The following HRH1 variants were observed in gnomAD, a reference collection of about 807,000 sequenced individuals.
The protein encoded by HRH1 is histamine receptor H1.
In HRH1, 6 loss-of-function variants were observed where a neutral mutation model predicts 10.3. That is an observed-to-expected ratio of 0.58 (90% confidence interval 0.32 to 1.15). The LOEUF (loss-of-function observed/expected upper bound fraction) is 1.15, where lower values mean the gene tolerates loss of function less well. Among genes scored for constraint, HRH1 ranks in the 50% most tolerant of loss-of-function variants. HRH1 has a pLI of 0.05. For synonymous variants in HRH1, 242 were observed against 236.7 expected, an observed-to-expected ratio of 1.02 and a Z score of -0.21; for missense variants, 514 against 615.3, an observed-to-expected ratio of 0.84 and a Z score of 1.74.
intron 1 of HRH1, among the ~76,000 whole-genome samples, chr3:11,245,578 G>A (rs182940554): frequency 4.6e-5 from 7 of 152,244 alleles, no homozygotes; most frequent in South Asian, 2.1e-4. Context: ...CATTGGTGTC[G>A]CAGGATGTGC....
At chr3:11,207,528 C>T (rs1464731824) in intron 1 of HRH1, among the ~76,000 whole-genome samples, 3 of 152,098 alleles carry the variant, frequency 2.0e-5, no homozygotes, top group African/African-American at 7.2e-5. Context: ...GAGATCATGC[C>T]ACTGCACTCC....
upstream of HRH1, among the ~76,000 whole-genome samples, chr3:11,150,710 T>C (rs980247973): frequency 2.6e-5 from 4 of 152,118 alleles, no homozygotes; most frequent in Admixed American, 2.6e-4. Context: ...GCTAATTAAC[T>C]GGGCAACTTG....
chr3:11,203,717 GT>G (rs1451450254), intron 1 of HRH1, among the ~76,000 whole-genome samples: 5 of 152,048 alleles, frequency 3.3e-5, no homozygotes, highest in Non-Finnish European at 7.4e-5. Flanking sequence ...TCTGTTTATT[GT>G]TTCACCAATA....
intron 1 of HRH1, chr3:11,234,585 G>C: frequency 7.0e-7 from 1 of 1,438,390 alleles, no homozygotes; most frequent in South Asian, 1.1e-5. Context: ...GATCGTTGGG[G>C]TCATCAGCCA....
intron 1 of HRH1, among the ~76,000 whole-genome samples, chr3:11,257,124 G>A (rs912173797): frequency 5.3e-5 from 8 of 150,832 alleles, no homozygotes; most frequent in African/African-American, 2.0e-4. Context: ...GTGGTGGTGG[G>A]TGCCTGTAAT....
Position 11,186,777 on chromosome 3 carries a change from C to G in HRH1, c.-36+32223C>G, listed in dbSNP as rs778580454. 2.0e-5 allele frequency among the ~76,000 whole-genome samples: 3 copies of G among 152,124 alleles called. No individual in the cohort carries two copies. In the South Asian group the frequency reaches 6.2e-4, roughly 32 times the overall value. ...CTTTTAGGTCTGAGAGTGCCTGGAT[C>G]TGCTCTAGGTAATCAGGCAGACAGG... On this transcript the variant is annotated intron_variant, in intron 1 of 1. Transcript: ENST00000431010.
rs3732941 is a variant in HRH1 at position 11,262,889 on chromosome 3, A to G, written c.*2388A>G. 36,758 of 167,088 alleles carry G rather than the reference A, an allele frequency of 0.22. 4,697 individuals carry two copies. Among genetic ancestry groups the G allele is most frequent in the South Asian group, 0.36 (1,730 of 4,830 alleles). The allele number at this position is 167,088 out of a possible 1,614,324, so 10.4% of individuals were successfully genotyped here. The stretch of plus-strand genomic sequence containing the variant: ...TGGTATACAGAGGGCACTCCTATGC[A>G]TTTTTAAAACATGCTGAGCACATAC... On this transcript the variant is annotated 3_prime_UTR_variant, in exon 2 of 2. Transcript: ENST00000431010.
intron 1 of HRH1, among the ~76,000 whole-genome samples, chr3:11,171,967 T>C (rs942987565): frequency 6.6e-5 from 10 of 152,386 alleles, no homozygotes; most frequent in African/African-American, 2.2e-4. Context: ...TTGTAGGTGC[T>C]ACTTGGTTTC....
upstream of HRH1, among the ~76,000 whole-genome samples, chr3:11,152,200 T>G (rs970126558): frequency 1.3e-5 from 2 of 152,198 alleles, no homozygotes; most frequent in African/African-American, 4.8e-5. Context: ...GAGGAATCGG[T>G]GCATTATTTA....
intron 1 of HRH1, among the ~76,000 whole-genome samples, chr3:11,140,059 G>A (rs985310472): frequency 6.6e-6 from 1 of 152,158 alleles, no homozygotes; most frequent in African/African-American, 2.4e-5. Flanking sequence ...GTGCAGCCTT[G>A]CAGGCACATG....
At chr3:11,258,422 T>C (rs1214066400) in intron 1 of HRH1, among the ~76,000 whole-genome samples, 1 of 152,176 alleles carries the variant, frequency 6.6e-6, no homozygotes, top group Non-Finnish European at 1.5e-5. Flanking sequence ...TCTCATGGCC[T>C]CAAACATCAC....
At chr3:11,254,633 C>T (rs1222144264) in intron 1 of HRH1, among the ~76,000 whole-genome samples, 1 of 152,212 alleles carries the variant, frequency 6.6e-6, no homozygotes, top group East Asian at 1.9e-4. Flanking sequence ...CTTGAGGCCA[C>T]CGCAACAAAG....
chr3:11,182,615 G>A (rs1937379549), intron 1 of HRH1, among the ~76,000 whole-genome samples: 2 of 152,190 alleles, frequency 1.3e-5, no homozygotes, highest in Non-Finnish European at 2.9e-5. Context: ...GCAGCTGCGT[G>A]CCTGTGGGCA....
chr3:11,199,854 G>A (rs946670778), intron 1 of HRH1, among the ~76,000 whole-genome samples: 24 of 152,178 alleles, frequency 1.6e-4, no homozygotes, highest in African/African-American at 5.3e-4. Context: ...AGTCACAGTT[G>A]GCAGCCATTC....
Position 11,144,209 on chromosome 3 carries a change from C to T in HRH1, c.-36+6810C>T, listed in dbSNP as rs552412849. Among the ~76,000 whole-genome samples the T allele has an allele frequency of 5.3e-5, 8 of 151,956 alleles. No individual in the cohort carries two copies. The East Asian group carries it at 7.8e-4, about 15-fold the overall frequency. ...GCAATCTCACTACTGAGTATCTACT[C>T]AGAGGAAAATAAATTGTTGTATCAA... On this transcript the variant is annotated intron_variant, in intron 1 of 1. Coordinates refer to the HRH1 transcript ENST00000438284.
At chr3:11,218,637 A>AATAAGAGT (rs1938594835) in intron 1 of HRH1, among the ~76,000 whole-genome samples, 1 of 150,820 alleles carries the variant, frequency 6.6e-6, no homozygotes, top group African/African-American at 2.4e-5. Flanking sequence ...GTGCAGTGGC[A>AATAAGAGT]TGATCTCGGC....
chr3:11,143,692 G>A (rs1398579154), intron 1 of HRH1, among the ~76,000 whole-genome samples: 2 of 152,100 alleles, frequency 1.3e-5, no homozygotes, highest in Non-Finnish European at 2.9e-5. Flanking sequence ...CCCTGCAGAT[G>A]AGTCTGCCTG....
intron 1 of HRH1, among the ~76,000 whole-genome samples, chr3:11,203,156 AG>A (rs1937993998): frequency 6.6e-6 from 1 of 152,240 alleles, no homozygotes; most frequent in East Asian, 1.9e-4. Context: ...CACTTACCAA[AG>A]GACATCTTAC....
chr3:11,154,265 TG>T (rs934280576), upstream of HRH1, among the ~76,000 whole-genome samples: 27 of 151,878 alleles, frequency 1.8e-4, no homozygotes, highest in Non-Finnish European at 2.9e-4. This position sits in a 1 kb window ranked among gnomAD's most constrained non-coding sequence, Gnocchi z 4.4. Context: ...GCTCCAAACC[TG>T]GGGCGCGAGC....
Sources: gnomAD v4.1 joint callset for allele counts (sites outside exome capture counted in the v4.1 genomes callset) on GRCh38, gnomAD v4.1.1 for gene constraint, Gnocchi (gnomAD v3.1) non-coding constraint, MANE v1.5 for transcripts, NCBI Gene and HGNC (gene_info 2026-07-23, HGNC 2026-07-21) for gene names.